FCRL5: variants seen among roughly 807,000 people sequenced by gnomAD.
FCRL5 encodes the protein Fc receptor-like protein 5.
Under a neutral mutation model 92.1 loss-of-function variants are expected in FCRL5, and 79 were observed. The observed-to-expected ratio is 0.86, with a 90% CI of 0.72 to 1.03. The LOEUF (loss-of-function observed/expected upper bound fraction) is 1.03. FCRL5 is among the 50% of genes least tolerant of loss of function. The pLI is 0.00. For synonymous variants in FCRL5, 466 were observed against 469.3 expected (o/e 0.99, Z 0.09); for missense variants, 1,160 against 1,181.1 (o/e 0.98, Z 0.26).
chr1:157,532,786 GTC>G (rs1331486318), intron 8 of FCRL5: 2 of 152,142 alleles, frequency 1.3e-5, no homozygotes, highest in African/African-American at 4.8e-5. Flanking sequence ...TTTTACAAAG[GTC>G]TTTGACGAGT....
Position 157,531,022 on chromosome 1 carries a change from A to G in FCRL5, c.1682-3127T>C, listed in dbSNP as rs1047753480. Among the ~76,000 whole-genome samples the G allele has an allele frequency of 5.9e-5, 9 of 152,278 alleles. 1 individual carries two copies. The highest frequency in any genetic ancestry group is 5.9e-4 in the Admixed American group (9 of 15,292). On this transcript the variant is annotated intron_variant, in intron 8 of 16. Coordinates refer to ENST00000361835, the MANE Select transcript of FCRL5 (RefSeq NM_031281.3). ...AAGAATTTGCACAGCAAAGGAAACAATTAACAGAGTAAAAAGACAACTTAT... is the reference window on the plus strand; with the variant it reads ...AAGAATTTGCACAGCAAAGGAAACAGTTAACAGAGTAAAAAGACAACTTAT...
chr1:157,518,162 G>T (rs200264832), intron 15 of FCRL5, among the ~76,000 whole-genome samples: 19,694 of 152,092 alleles, frequency 0.13, 3,643 homozygotes, highest in African/African-American at 0.42. Flanking sequence ...ATAGGGATAT[G>T]GAAGGTCTGA....
At chr1:157,533,687 A>G (rs1650801491) in intron 8 of FCRL5, 1 of 152,370 alleles carries the variant, frequency 6.6e-6, no homozygotes, top group South Asian at 2.1e-4. Flanking sequence ...CAAGAAACAG[A>G]AAATAAAGAG....
chr1:157,518,644 C>T lies in FCRL5; in HGVS notation c.2743+56G>A, dbSNP rs367611500. On this transcript the variant is annotated intron_variant, in intron 14 of 16. Coordinates refer to ENST00000361835, the MANE Select transcript of FCRL5 (RefSeq NM_031281.3). The stretch of plus-strand genomic sequence containing the variant: ...AGTCCCTCCCCATCTCCTGCCCCAC[C>T]GCTTTCCCACACCAGCCCTCCAGCT... 136 of 1,543,480 alleles carry T rather than the reference C, an allele frequency of 8.8e-5. 1 individual carries two copies. In the African/African-American group the frequency reaches 1.6e-3, roughly 18 times the overall value.
At chr1:157,517,779 G>C (rs1464062274) in intron 15 of FCRL5, among the ~76,000 whole-genome samples, 2 of 152,154 alleles carry the variant, frequency 1.3e-5, no homozygotes, top group African/African-American at 4.8e-5. Context: ...AGTACAGGTA[G>C]GTAGGTGCTA....
Position 157,536,427 on chromosome 1 carries a change from G to A in FCRL5, c.1403-1535C>T, listed in dbSNP as rs11264753. On this transcript the variant is annotated intron_variant, in intron 7 of 16. Coordinates refer to ENST00000361835, the MANE Select transcript of FCRL5 (RefSeq NM_031281.3). Reference sequence around the variant, plus strand: ...TTCCTCTACTGGGACTAGACTGGGGGTTCTGTCCAACTGGACACTCCCTTG... The same window carrying A: ...TTCCTCTACTGGGACTAGACTGGGGATTCTGTCCAACTGGACACTCCCTTG... Among the ~76,000 whole-genome samples the A allele has an allele frequency of 2.5e-3, 376 of 152,308 alleles. 7 individuals carry two copies. Among genetic ancestry groups the A allele is most frequent in the African/African-American group, 8.6e-3 (357 of 41,560 alleles).
chr1:157,532,333 G>A (rs1352073952), intron 8 of FCRL5: 2 of 152,038 alleles, frequency 1.3e-5, no homozygotes, highest in East Asian at 1.9e-4. Context: ...TGGAATTTTA[G>A]TGAAGTATAA....
Position 157,524,412 on chromosome 1 carries a change from C to T in FCRL5, c.2106G>A (p.Lys702=). The change falls in exon 10 of 17, where the codon AAG becomes AAA. Residue 702 remains lysine, a synonymous_variant. Transcript: ENST00000361835. The part of the protein sequence containing the change: ...WFYHEDVTLG[K]ISAPSGGGAS... The stretch of plus-strand genomic sequence containing the variant: ...CCCCTCCTCCAGAGGGGGCTGAGAT[C>T]TTACCCAGGGTGACATCTTCATGAT... The T allele has an allele frequency of 6.2e-7, 1 of 1,614,228 alleles. No individual in the cohort carries two copies. The highest frequency in any genetic ancestry group is 8.5e-7 in the Non-Finnish European group (1 of 1,180,036).
At chr1:157,535,913 T>C (rs1650945428) in intron 7 of FCRL5, among the ~76,000 whole-genome samples, 1 of 150,400 alleles carries the variant, frequency 6.6e-6, no homozygotes, top group Admixed American at 6.6e-5. Flanking sequence ...CAAAGGGTAC[T>C]TTGTGGCTAA....
chr1:157,519,054 A>T, intron 13 of FCRL5: 1 of 281,230 alleles, frequency 3.6e-6, no homozygotes, highest in Non-Finnish European at 6.6e-6. Context: ...TTTAGCTGAA[A>T]CAAACGGAGG....
In FCRL5 at chr1:157,521,165, C is replaced by G; in HGVS notation, c.2367G>C (p.Glu789Asp). The G allele has an allele frequency of 6.2e-7, 1 of 1,614,136 alleles. No individual in the cohort carries two copies. Among genetic ancestry groups the G allele is most frequent in the African/African-American group, 1.3e-5 (1 of 75,028 alleles). The change falls in exon 11 of 17, where the codon GAG becomes GAC. Residue 789 changes from glutamate to aspartate, a missense_variant. Coordinates refer to ENST00000361835, the MANE Select transcript of FCRL5 (RefSeq NM_031281.3). ...ACGACCTATTTCCTAGGGTGACATC[C>G]TCATGAAAAAACCGGTACAGGATCA... Reference protein sequence around the residue: ...SPLILYRFFHEDVTLGNRSSP... With the variant: ...SPLILYRFFHDDVTLGNRSSP...
In FCRL5 at chr1:157,521,044, T is replaced by G. The variant is rs2101597285; in HGVS notation, c.2488A>C (p.Ser830Arg). The change falls in exon 11 of 17, where the codon AGT becomes CGT. Residue 830 changes from serine (S) to arginine (R), a missense_variant. Ser to Arg is a moderately radical substitution (Grantham distance 110). Coordinates refer to ENST00000361835, the MANE Select transcript of FCRL5 (RefSeq NM_031281.3). ...EADNGLGAQR[S>R]ETVTLYITGL... ...GTGATATAAAGTGTCACTGTCTCACTGCGCTGGGCCCCGAGGCCATTGTCG... is the reference window on the plus strand; with the variant it reads ...GTGATATAAAGTGTCACTGTCTCACGGCGCTGGGCCCCGAGGCCATTGTCG... 6.2e-7 allele frequency: 1 copy of G among 1,611,862 alleles called. No individual in the cohort carries two copies. Among genetic ancestry groups the G allele is most frequent in the Non-Finnish European group, 8.5e-7 (1 of 1,179,270 alleles).
chr1:157,530,528 G>A (rs756542900), intron 8 of FCRL5, among the ~76,000 whole-genome samples: 21 of 152,170 alleles, frequency 1.4e-4, no homozygotes, highest in Non-Finnish European at 2.2e-4. Flanking sequence ...GACCATACCC[G>A]GCTAATTTTG....
intron 2 of FCRL5, chr1:157,547,516 T>C (rs1206789050): frequency 4.2e-6 from 2 of 471,882 alleles, no homozygotes; most frequent in Admixed American, 5.9e-5. Flanking sequence ...CATTTCATCA[T>C]GTTCATACAC....
intron 3 of FCRL5, chr1:157,546,121 A>G (rs1651522990): frequency 3.6e-6 from 1 of 276,318 alleles, no homozygotes; most frequent in Non-Finnish European, 7.3e-6. Flanking sequence ...TTCTCCTGCC[A>G]CTTATTATTC....
At chr1:157,548,456 C>A (rs1175511390) in intron 2 of FCRL5, among the ~76,000 whole-genome samples, 1 of 152,168 alleles carries the variant, frequency 6.6e-6, no homozygotes, top group African/African-American at 2.4e-5. Flanking sequence ...AACTAAAGAA[C>A]TTCTGCACAG....
chr1:157,547,578 A>G (rs979246863), intron 2 of FCRL5, among the ~76,000 whole-genome samples: 2 of 152,218 alleles, frequency 1.3e-5, no homozygotes, highest in Non-Finnish European at 2.9e-5. Flanking sequence ...CACTTTCCCT[A>G]AGAGAATAAA....
chr1:157,542,848 G>A lies in FCRL5; in HGVS notation c.1123+11C>T. ...CCAGGGGTGGGTGATTGGCAGGAAT[G>A]CAGGGCTTACCAGTGACTGAGAGGC... On this transcript the variant is annotated intron_variant, in intron 6 of 16. Transcript: ENST00000361835. 1 of 1,606,274 alleles carries A rather than the reference G, an allele frequency of 6.2e-7. No homozygotes were observed. The highest frequency in any genetic ancestry group is 8.5e-7 in the Non-Finnish European group (1 of 1,175,724).
At position 157,513,475 on chromosome 1, in the gene FCRL5, C is replaced by G. The variant is rs1156432558; in HGVS notation, c.*2200G>C. 6.6e-6 allele frequency: 1 copy of G among 152,188 alleles called. No homozygotes were observed. The highest frequency in any genetic ancestry group is 1.9e-4 in the East Asian group (1 of 5,196). 9.4% of individuals were successfully genotyped at this position (152,188 alleles called of 1,614,324 possible). ...TCAGCAAGCTGGAGATCCAGGAGAT[C>G]CAATAGCATAGTTTCTTTCAGTCCA... On this transcript the variant is annotated 3_prime_UTR_variant, in exon 17 of 17. Coordinates refer to ENST00000361835, the MANE Select transcript of FCRL5 (RefSeq NM_031281.3).
Sources: gnomAD v4.1 joint callset for allele counts (sites outside exome capture counted in the v4.1 genomes callset) on GRCh38, gnomAD v4.1.1 for gene constraint, MANE v1.5 for transcripts, NCBI Gene and HGNC (gene_info 2026-07-23, HGNC 2026-07-21) for gene names.